Variants in CROT observed in about 807,000 individuals in gnomAD.
CROT encodes peroxisomal carnitine O-octanoyltransferase.
In CROT, 84 loss-of-function variants were observed where a neutral mutation model predicts 89.2. The observed-to-expected ratio is 0.94, with a 90% CI of 0.79 to 1.13. CROT has a LOEUF of 1.13. Among genes scored for constraint, CROT ranks in the 50% most tolerant of loss-of-function variants. The pLI, the probability that CROT is intolerant of heterozygous loss-of-function variation, is 0.00. For missense variants in CROT, 711 were observed against 727.8 expected (o/e 0.98, Z 0.27); for synonymous variants, 212 against 239.5 (o/e 0.89, Z 1.06).
chr7:87,365,362 C>T (rs866525958), intron 6 of CROT, among the ~76,000 whole-genome samples: 1 of 151,940 alleles, frequency 6.6e-6, no homozygotes, highest in African/African-American at 2.4e-5. Flanking sequence ...CAGTGGCTCG[C>T]GCCTGTAATC....
chr7:87,358,496 A>AAAAAG (rs1219982330), intron 3 of CROT, among the ~76,000 whole-genome samples: 4 of 151,344 alleles, frequency 2.6e-5, no homozygotes, highest in Non-Finnish European at 5.9e-5. Flanking sequence ...AAAAAAAAAA[A>AAAAAG]AAAAGAAAAG....
chr7:87,398,502 A>G lies in CROT; in HGVS notation c.1719-22A>G, dbSNP rs1554395438. On this transcript the variant is annotated intron_variant, in intron 17 of 17. Coordinates refer to ENST00000331536, the MANE Select transcript of CROT (RefSeq NM_021151.4). ...ATTTGGAGCCTTTTGTGTAATCATT[A>G]ATCATTATTTATGCTTCACAGGTTT... The G allele has an allele frequency of 2.7e-5, 43 of 1,612,498 alleles. No homozygotes were observed. The South Asian group carries it at 4.4e-4, about 16-fold the overall frequency.
At chr7:87,360,217 A>C (rs1293070940) in intron 4 of CROT, 1 of 500,832 alleles carries the variant, frequency 2.0e-6, no homozygotes, top group Non-Finnish European at 2.6e-6. Context: ...AGGTAATTTG[A>C]TAAGATGTGC....
intron 16 of CROT, 28 bp downstream of exon 16, chr7:87,392,851 C>T (rs1807412873): frequency 6.2e-7 from 1 of 1,608,674 alleles, no homozygotes; most frequent in Non-Finnish European, 8.5e-7. Context: ...TTTACAGCTT[C>T]ATCAATTGGC....
intron 7 of CROT, among the ~76,000 whole-genome samples, chr7:87,373,326 A>C (rs1806700001): frequency 6.6e-6 from 1 of 152,042 alleles, no homozygotes; most frequent in Admixed American, 6.6e-5. Context: ...TTTAGATATA[A>C]GTCTTTTTAC....
intron 3 of CROT, among the ~76,000 whole-genome samples, chr7:87,353,031 T>C (rs1805926460): frequency 6.6e-6 from 1 of 152,336 alleles, no homozygotes; most frequent in African/African-American, 2.4e-5. Flanking sequence ...TTAGATGAGC[T>C]ATATGTACTC....
At chr7:87,356,841 G>A (rs550326756) in intron 3 of CROT, among the ~76,000 whole-genome samples, 1 of 152,302 alleles carries the variant, frequency 6.6e-6, no homozygotes, top group East Asian at 1.9e-4. Context: ...GGCCAAGATG[G>A]TGAAACCTTG....
chr7:87,398,629 C>T lies in CROT; in HGVS notation c.1824C>T (p.Asn608=). 6.2e-7 allele frequency: 1 copy of T among 1,613,204 alleles called. No homozygotes were observed. Among genetic ancestry groups the T allele is most frequent in the Non-Finnish European group, 8.5e-7 (1 of 1,179,776 alleles). The change falls in exon 18 of 18, where the codon AAC becomes AAT. Residue 608 remains asparagine, a synonymous_variant. Transcript: ENST00000331536. The stretch of plus-strand genomic sequence containing the variant: ...TTCATGATATGATACAGCTGATGAA[C>T]TCTACTCATCTTTAGAGATGAATCA... ...CAFHDMIQLM[N]STHL
intron 13 of CROT, 38 bp downstream of exon 13, chr7:87,382,581 G>C (rs773111917): frequency 1.9e-6 from 3 of 1,573,890 alleles, no homozygotes. Context: ...CAGTCTTGAA[G>C]TCCAAGGGTA....
chr7:87,363,754 A>G (rs1399970493), intron 6 of CROT, among the ~76,000 whole-genome samples: 5 of 152,250 alleles, frequency 3.3e-5, no homozygotes. Context: ...TGTTTGAAGA[A>G]TAGACTTTTA....
At chr7:87,362,981 A>C (rs1806331476) in intron 6 of CROT, among the ~76,000 whole-genome samples, 1 of 152,200 alleles carries the variant, frequency 6.6e-6, no homozygotes, top group Non-Finnish European at 1.5e-5. Context: ...AGGGAAACTG[A>C]GTTATTCATG....
intron 12 of CROT, 21 bp downstream of exon 12, chr7:87,382,202 T>G: frequency 6.4e-7 from 1 of 1,562,040 alleles, no homozygotes; most frequent in Middle Eastern, 1.7e-4. Flanking sequence ...CACTTTTCTC[T>G]TAAATAATAA....
Position 87,375,849 on chromosome 7 carries a change from C to T in CROT, c.772C>T (p.Leu258Phe), listed in dbSNP as rs753168851. Reference sequence around the variant, plus strand: ...TTAGGCACGAGAATATCTGATTGGTCTTGATCCAGAGAACTTGGCTTTGTT... The same window carrying T: ...TTAGGCACGAGAATATCTGATTGGTTTTGATCCAGAGAACTTGGCTTTGTT... The part of the protein sequence containing the change: ...WAKAREYLIG[L>F]DPENLALLEK... Residue 258 changes from leucine to phenylalanine, a missense_variant, in exon 9 of 18, where the codon CTT becomes TTT. Physicochemically the swap from Leu to Phe is conservative, Grantham distance 22. Transcript: ENST00000331536. 2 of 1,613,504 alleles carry T rather than the reference C, an allele frequency of 1.2e-6. No individual in the cohort carries two copies. Among genetic ancestry groups the T allele is most frequent in the South Asian group, 2.2e-5 (2 of 91,068 alleles).
In CROT at chr7:87,382,100, A is replaced by T. The variant is rs1252311858; in HGVS notation, c.1089A>T (p.Pro363=). The T allele has an allele frequency of 6.2e-7, 1 of 1,613,302 alleles. No individual in the cohort carries two copies. Among genetic ancestry groups the T allele is most frequent in the South Asian group, 1.1e-5 (1 of 91,016 alleles). ...WKGSEKVRDI[P]LPEELIFIVD... ...GTTCAGAGAAGGTACGAGATATACC[A>T]CTTCCAGAAGAGCTCATTTTCATTG... is the stretch of plus-strand genomic sequence containing the variant. Residue 363 remains proline, a synonymous_variant, in exon 12 of 18, where the codon CCA becomes CCT. Transcript: ENST00000331536.
chr7:87,366,087 T>C (rs1232586819), intron 6 of CROT, among the ~76,000 whole-genome samples: 2 of 152,196 alleles, frequency 1.3e-5, no homozygotes, highest in Non-Finnish European at 2.9e-5. Context: ...ATTGCTCTGA[T>C]CTACCCTCAC....
chr7:87,384,261 A>T lies in CROT; in HGVS notation c.1301+1718A>T, dbSNP rs143872576. On this transcript the variant is annotated intron_variant, in intron 13 of 17. Coordinates refer to ENST00000331536, the MANE Select transcript of CROT (RefSeq NM_021151.4). The stretch of plus-strand genomic sequence containing the variant: ...ATTAAGATCATTTGTCACTGGGCGC[A>T]TGGCTCACACCTGTAGTCCCAGCAA... Among the ~76,000 whole-genome samples the T allele has an allele frequency of 7.6e-3, 1,155 of 152,154 alleles. 15 individuals carry two copies. The highest frequency in any genetic ancestry group is 0.025 in the African/African-American group (1,039 of 41,514).
intron 6 of CROT, among the ~76,000 whole-genome samples, chr7:87,367,164 C>T (rs186556909): frequency 8.5e-5 from 13 of 152,246 alleles, no homozygotes; most frequent in East Asian, 7.7e-4. Flanking sequence ...GAAATGGGGA[C>T]GTTATCCTAG....
intron 3 of CROT, among the ~76,000 whole-genome samples, chr7:87,354,740 G>C (rs1451984995): frequency 6.6e-6 from 1 of 152,112 alleles, no homozygotes; most frequent in Non-Finnish European, 1.5e-5. Flanking sequence ...CTTTTTAAAA[G>C]AAACAGTTTA....
Position 87,361,708 on chromosome 7 carries a change from C to CA in CROT, c.423-16dup. On this transcript the variant is annotated intron_variant, in intron 5 of 17. Transcript: ENST00000331536. ...TTAAATTTTATAATGACTTTTTGAT[C>CA]AAAATCCTTTTTTTAATAGAGAAAA... 1 of 1,558,228 alleles carries CA rather than the reference C, an allele frequency of 6.4e-7. No homozygotes were observed.
Sources: gnomAD v4.1 joint callset for allele counts (sites outside exome capture counted in the v4.1 genomes callset) on GRCh38, gnomAD v4.1.1 for gene constraint, MANE v1.5 for transcripts, NCBI Gene and HGNC (gene_info 2026-07-23, HGNC 2026-07-21) for gene names.